TNRC6A: variants seen among roughly 807,000 people sequenced by gnomAD.
TNRC6A encodes the protein trinucleotide repeat containing adaptor 6A.
Under a neutral mutation model 221.2 loss-of-function variants are expected in TNRC6A, and 44 were observed. The ratio of observed to expected loss-of-function variants is 0.20; its 90% CI spans 0.16 to 0.26. The LOEUF is 0.26. Among genes scored for constraint, TNRC6A ranks in the 10% least tolerant of loss-of-function variants. TNRC6A has a pLI of 1.00. For missense variants in TNRC6A, 2,199 were observed against 2,404.4 expected (o/e 0.91, Z 1.79); for synonymous variants, 847 against 838.5 (o/e 1.01, Z -0.18).
intron 3 of TNRC6A, 78 bp from the exon 4 acceptor site, chr16:24,758,261 A>G (rs2057292368): frequency 7.1e-7 from 1 of 1,406,196 alleles, no homozygotes; most frequent in East Asian, 2.3e-5. Context: ...ATATTAATAT[A>G]TGAACATTTT....
chr16:24,780,441 CAAT>C (rs767782573), intron 5 of TNRC6A, among the ~76,000 whole-genome samples: 49 of 152,178 alleles, frequency 3.2e-4, no homozygotes, highest in Admixed American at 2.4e-3. Context: ...AGAACAACAA[CAAT>C]ATCTTCTGAT....
intron 4 of TNRC6A, among the ~76,000 whole-genome samples, chr16:24,761,811 G>A (rs72768680): frequency 0.05 from 7,623 of 152,266 alleles, 292 homozygotes; most frequent in Middle Eastern, 0.075. Flanking sequence ...GACTGTAGGC[G>A]TGAGCCACCG....
intron 2 of TNRC6A, among the ~76,000 whole-genome samples, chr16:24,683,689 G>T (rs2055575606): frequency 6.6e-6 from 1 of 152,182 alleles, no homozygotes; most frequent in South Asian, 2.1e-4. Flanking sequence ...GACTAGCTGT[G>T]CAACCTTGGG....
chr16:24,698,716 T>G (rs953623273), intron 2 of TNRC6A, among the ~76,000 whole-genome samples: 3 of 152,086 alleles, frequency 2.0e-5, no homozygotes, highest in South Asian at 4.1e-4. Flanking sequence ...GGGAGGTTTT[T>G]TTTGTTTGTT....
chr16:24,792,006 T>A (rs868479499), intron 6 of TNRC6A, among the ~76,000 whole-genome samples, 189 bp downstream of exon 6: 13 of 152,074 alleles, frequency 8.5e-5, no homozygotes, highest in African/African-American at 3.1e-4. Context: ...GTTGTTTGAG[T>A]CCTGCACACT....
intron 6 of TNRC6A, among the ~76,000 whole-genome samples, chr16:24,793,113 T>C (rs537650991): frequency 1.3e-5 from 2 of 152,300 alleles, no homozygotes; most frequent in South Asian, 4.1e-4. Context: ...ACATACACTG[T>C]CACCCAGCTT....
At chr16:24,767,302 C>A (rs1303456805) in intron 4 of TNRC6A, among the ~76,000 whole-genome samples, 2 of 152,216 alleles carry the variant, frequency 1.3e-5, no homozygotes, top group African/African-American at 4.8e-5. Flanking sequence ...GCTTGGACTT[C>A]AGTCCTAAAC....
intron 2 of TNRC6A, among the ~76,000 whole-genome samples, chr16:24,657,669 A>G (rs1448037581): frequency 6.6e-6 from 1 of 150,618 alleles, no homozygotes. Context: ...AGATCGTGCC[A>G]CTGCACTCCA....
chr16:24,631,787 C>A (rs898572465), intron 1 of TNRC6A, among the ~76,000 whole-genome samples: 25 of 150,726 alleles, frequency 1.7e-4, no homozygotes, highest in South Asian at 4.2e-4. Flanking sequence ...AAAAAAACAA[C>A]AAAAAAAGAA....
At chr16:24,681,964 G>A (rs545091508) in intron 2 of TNRC6A, among the ~76,000 whole-genome samples, 3 of 152,146 alleles carry the variant, frequency 2.0e-5, no homozygotes, top group South Asian at 4.1e-4. Context: ...TTATATTCCC[G>A]CCCATCTGTC....
chr16:24,777,328 G>A lies in TNRC6A; in HGVS notation c.559G>A (p.Gly187Arg), dbSNP rs1279846464. ...AACAAATCAACAGCCACAAAATAAC[G>A]GAGAGGTGCAGAACAGCAAAAACCA... Reference protein sequence around the residue: ...ALTNQQPQNNGEVQNSKNQSD... With the variant: ...ALTNQQPQNNREVQNSKNQSD... The change falls in exon 5 of 25, where the codon GGA becomes AGA. Residue 187 changes from glycine (G) to arginine (R), a missense_variant. Transcript: ENST00000395799. 4.3e-6 allele frequency: 7 copies of A among 1,612,530 alleles called. No individual in the cohort carries two copies. Among genetic ancestry groups the A allele is most frequent in the East Asian group, 4.5e-5 (2 of 44,892 alleles).
intron 2 of TNRC6A, among the ~76,000 whole-genome samples, chr16:24,643,077 TATTA>T (rs1902048457): frequency 7.2e-6 from 1 of 139,614 alleles, no homozygotes; most frequent in Non-Finnish European, 1.5e-5. Context: ...ATTATATATA[TATTA>T]TATATATATA....
intron 2 of TNRC6A, among the ~76,000 whole-genome samples, chr16:24,737,576 G>A (rs912356757): frequency 1.3e-5 from 2 of 152,208 alleles, no homozygotes; most frequent in African/African-American, 4.8e-5. Context: ...CAAATGGAAT[G>A]TTCAAAACAG....
At chr16:24,721,144 CTTGATGA>C (rs2056404098) in intron 2 of TNRC6A, among the ~76,000 whole-genome samples, 1 of 152,178 alleles carries the variant, frequency 6.6e-6, no homozygotes, top group African/African-American at 2.4e-5. Flanking sequence ...AACTAGAACT[CTTGATGA>C]GGTTGAGATG....
intron 2 of TNRC6A, among the ~76,000 whole-genome samples, chr16:24,695,592 G>T (rs1224417833): frequency 1.3e-5 from 2 of 151,926 alleles, no homozygotes; most frequent in Non-Finnish European, 2.9e-5. Context: ...TAGAGACGGG[G>T]TTTCGCCATT....
chr16:24,808,729 C>T (rs762231564), intron 17 of TNRC6A, among the ~76,000 whole-genome samples: 2 of 152,148 alleles, frequency 1.3e-5, no homozygotes, highest in Non-Finnish European at 2.9e-5. Flanking sequence ...AGAATAAGAA[C>T]CTCTTGGGAA....
chr16:24,773,547 T>A (rs2057657222), intron 4 of TNRC6A, among the ~76,000 whole-genome samples: 1 of 152,248 alleles, frequency 6.6e-6, no homozygotes, highest in South Asian at 2.1e-4. Context: ...TGTGCACGCG[T>A]GTACATGCAT....
chr16:24,627,087 A>C (rs1271303207), intron 1 of TNRC6A, among the ~76,000 whole-genome samples: 2 of 151,606 alleles, frequency 1.3e-5, no homozygotes, highest in East Asian at 3.9e-4. Context: ...GGTAGTTTAT[A>C]TTCTAGAGAT....
At chr16:24,671,524 TG>T (rs1416610882) in intron 2 of TNRC6A, among the ~76,000 whole-genome samples, 4 of 152,210 alleles carry the variant, frequency 2.6e-5, no homozygotes, top group East Asian at 3.8e-4. Context: ...CACTAGGCGC[TG>T]TGCAGGCACT....
Sources: gnomAD v4.1 joint callset for allele counts (sites outside exome capture counted in the v4.1 genomes callset) on GRCh38, gnomAD v4.1.1 for gene constraint, MANE v1.5 for transcripts, NCBI Gene and HGNC (gene_info 2026-07-23, HGNC 2026-07-21) for gene names.